EPB41L2: variants seen among roughly 807,000 people sequenced by gnomAD.
The protein encoded by EPB41L2 is band 4.1-like protein 2.
Under a neutral mutation model 113.0 loss-of-function variants are expected in EPB41L2, and 43 were observed. The observed-to-expected ratio is 0.38, with a 90% confidence interval of 0.30 to 0.49. The LOEUF (loss-of-function observed/expected upper bound fraction) is 0.49. Ranked by LOEUF, EPB41L2 falls within the 20% of genes least tolerant of loss-of-function variation. The probability of loss-of-function intolerance (pLI) is 0.95; values close to 1 mark genes in which losing one functional copy is unlikely to be tolerated. For missense variants in EPB41L2, 1,147 were observed against 1,223.4 expected, an observed-to-expected ratio of 0.94 and a Z score of 0.93; for synonymous variants, 442 against 436.7, an observed-to-expected ratio of 1.01 and a Z score of -0.15.
intron 1 of EPB41L2, among the ~76,000 whole-genome samples, chr6:130,972,340 AAAAAAAG>A (rs1267354323): frequency 6.6e-6 from 1 of 151,388 alleles, no homozygotes; most frequent in East Asian, 1.9e-4. Flanking sequence ...AAAAAAAAAA[AAAAAAAG>A]GAGAAATGAC....
chr6:130,981,334 T>C (rs1267925574), intron 1 of EPB41L2, among the ~76,000 whole-genome samples: 2 of 152,164 alleles, frequency 1.3e-5, no homozygotes, highest in Non-Finnish European at 1.5e-5. Context: ...GTGTTTTGTT[T>C]TCATCATAGT....
At chr6:131,032,838 G>A (rs982152603) in intron 1 of EPB41L2, among the ~76,000 whole-genome samples, 5 of 151,938 alleles carry the variant, frequency 3.3e-5, no homozygotes, top group African/African-American at 1.2e-4. Flanking sequence ...AAAAATCAAA[G>A]ACTAACAATA....
intron 4 of EPB41L2, among the ~76,000 whole-genome samples, chr6:130,916,196 A>AT (rs1348835494): frequency 2.0e-5 from 3 of 152,068 alleles, no homozygotes; most frequent in Non-Finnish European, 2.9e-5. Flanking sequence ...AGGTTACAGA[A>AT]TTTTTTTTAA....
chr6:131,050,613 G>A (rs779989587), intron 1 of EPB41L2, among the ~76,000 whole-genome samples: 4 of 151,980 alleles, frequency 2.6e-5, no homozygotes, highest in Admixed American at 1.3e-4. Context: ...ACCCACACTC[G>A]AAAATCCCTA....
rs762107891 is a variant in EPB41L2 at position 130,878,135 on chromosome 6, C to T, written c.2012G>A (p.Arg671His). 4.3e-6 allele frequency: 7 copies of T among 1,613,014 alleles called. No homozygotes were observed. Among genetic ancestry groups the T allele is most frequent in the Non-Finnish European group, 5.9e-6 (7 of 1,179,662 alleles). The part of the protein sequence containing the change: ...EPRPNEWEKR[R>H]ITPLSLQTQG... ...TGTCTGTAGGGACAGAGGTGTGATA[C>T]GTCGTTTTTCCCATTCATTAGGGCG... The change falls in exon 14 of 20, where the codon CGT becomes CAT. Residue 671 changes from arginine to histidine, a missense_variant. Transcript: ENST00000337057.
intron 5 of EPB41L2, among the ~76,000 whole-genome samples, chr6:130,907,275 T>A (rs912550477): frequency 6.6e-6 from 1 of 152,184 alleles, no homozygotes; most frequent in Non-Finnish European, 1.5e-5. Flanking sequence ...AAGTAACAAC[T>A]GCAGAAGGGA....
rs200861460 is a variant in EPB41L2 at position 130,932,289 on chromosome 6, GA to G, written c.706-5581del. 8.8e-3 allele frequency among the ~76,000 whole-genome samples: 1,287 copies of G among 146,816 alleles called. 10 individuals carry two copies. Among genetic ancestry groups the G allele is most frequent in the South Asian group, 0.022 (97 of 4,466 alleles). ...ACTAATATTCCACACTTCTATCCAG[GA>G]AAGTAATTTTCTTCCATTAACATTG... On this transcript the variant is annotated intron_variant, in intron 3 of 19. Transcript: ENST00000337057.
intron 1 of EPB41L2, chr6:130,978,558 TCAAAA>T: frequency 6.6e-6 from 1 of 152,304 alleles, no homozygotes; most frequent in Non-Finnish European, 1.5e-5. Flanking sequence ...CCACACCTAC[TCAAAA>T]CAATAAATAA....
At chr6:131,062,776 G>A (rs886092240) in intron 1 of EPB41L2, among the ~76,000 whole-genome samples, 1 of 151,930 alleles carries the variant, frequency 6.6e-6, no homozygotes, top group African/African-American at 2.4e-5. Context: ...ACCCCGGGGG[G>A]GACGGCGTCC....
chr6:130,867,302 A>T (rs1784085827), intron 16 of EPB41L2, among the ~76,000 whole-genome samples, 157 bp downstream of exon 16: 8 of 152,242 alleles, frequency 5.3e-5, no homozygotes, highest in Admixed American at 4.6e-4. Context: ...ATCTAAGAGA[A>T]CATAGCAAAT....
rs140489818 is a variant in EPB41L2, at chr6:130,898,740, G to A, written c.1236+751C>T. On this transcript the variant is annotated intron_variant, in intron 8 of 19. Coordinates refer to ENST00000337057, the MANE Select transcript of EPB41L2 (RefSeq NM_001431.4). ...GTATGTTACTACTGCCTAATTTATCGTGTAAAGTGGCCTATGAACTTCTGT... is the reference window on the plus strand; with the variant it reads ...GTATGTTACTACTGCCTAATTTATCATGTAAAGTGGCCTATGAACTTCTGT... Among the ~76,000 whole-genome samples, 566 of 152,106 alleles carry A rather than the reference G, an allele frequency of 3.7e-3. 2 individuals carry two copies. Among genetic ancestry groups the A allele is most frequent in the African/African-American group, 0.013 (545 of 41,508 alleles).
At chr6:130,867,171 G>T (rs1784046248) in intron 16 of EPB41L2, among the ~76,000 whole-genome samples, 1 of 152,178 alleles carries the variant, frequency 6.6e-6, no homozygotes, top group African/African-American at 2.4e-5. Flanking sequence ...TCTTAGATAT[G>T]TCAACTCAGA....
intron 3 of EPB41L2, among the ~76,000 whole-genome samples, chr6:130,948,713 G>A (rs1813788286): frequency 1.3e-5 from 2 of 152,100 alleles, no homozygotes; most frequent in Admixed American, 6.5e-5. Flanking sequence ...GAGATAAAAG[G>A]CAGAAGAGAG....
intron 15 of EPB41L2, chr6:130,867,989 CTCTCTCT>C (rs1784448200): frequency 1.1e-5 from 2 of 181,646 alleles, no homozygotes; most frequent in Admixed American, 5.6e-5. Context: ...CTCTCTCTCT[CTCTCTCT>C]CTCCTCCTCC....
chr6:131,062,407 C>CA (rs1450734911), intron 1 of EPB41L2: 1 of 152,168 alleles, frequency 6.6e-6, no homozygotes, highest in East Asian at 1.9e-4. Context: ...CCTCGGCCCC[C>CA]AGGCGCAGGA....
intron 15 of EPB41L2, 135 bp from the exon 16 acceptor site, chr6:130,867,716 CA>C: frequency 8.7e-7 from 1 of 1,155,734 alleles, no homozygotes; most frequent in Non-Finnish European, 1.2e-6. Flanking sequence ...TAAAAGCAAA[CA>C]ACCTAAAACA....
intron 1 of EPB41L2, among the ~76,000 whole-genome samples, chr6:130,990,312 C>T (rs1398315097): frequency 1.3e-5 from 2 of 150,942 alleles, no homozygotes; most frequent in East Asian, 3.9e-4. Context: ...CAAAGCAAGA[C>T]TCTGTCTCAA....
chr6:130,937,824 A>AAAAAAAAAAAAAAAAAAAAAAAAT (rs1387645569), intron 3 of EPB41L2, among the ~76,000 whole-genome samples: 1 of 150,562 alleles, frequency 6.6e-6, no homozygotes, highest in Non-Finnish European at 1.5e-5. Context: ...TCAAAAAGAA[A>AAAAAAAAAAAAAAAAAAAAAAAAT]AAAAAAAAAA....
intron 19 of EPB41L2, among the ~76,000 whole-genome samples, chr6:130,857,101 TA>T (rs1157903188): frequency 6.6e-6 from 1 of 152,238 alleles, no homozygotes; most frequent in African/African-American, 2.4e-5. Context: ...TTAATGTGGA[TA>T]TTTTTTAGAT....
Sources: allele counts gnomAD v4.1 joint callset (sites outside exome capture counted in the v4.1 genomes callset), GRCh38; gene constraint gnomAD v4.1.1; transcripts MANE v1.5; gene names NCBI Gene and HGNC (gene_info 2026-07-23, HGNC 2026-07-21).